The following PDE1C variants were observed in gnomAD, a reference collection of about 807,000 sequenced individuals.
PDE1C encodes the protein phosphodiesterase 1C, also known as dual specificity calcium/calmodulin-dependent 3',5'-cyclic nucleotide phosphodiesterase 1C.
Under a neutral mutation model 93.1 loss-of-function variants are expected in PDE1C, and 62 were observed. That is an observed-to-expected ratio of 0.67 (90% CI 0.54 to 0.82). The LOEUF (loss-of-function observed/expected upper bound fraction) is 0.82, where lower values mean the gene tolerates loss of function less well. Among genes scored for constraint, PDE1C ranks in the 40% least tolerant of loss-of-function variants. The pLI is 0.00. For synonymous variants in PDE1C, 325 were observed against 310.1 expected, an observed-to-expected ratio of 1.05 and a Z score of -0.50; for missense variants, 742 against 884.6, an observed-to-expected ratio of 0.84 and a Z score of 2.04.
At chr7:32,054,967 C>A (rs752394570) in intron 1 of PDE1C, among the ~76,000 whole-genome samples, 1 of 152,236 alleles carries the variant, frequency 6.6e-6, no homozygotes, top group Middle Eastern at 3.4e-3. Context: ...CCTTCTAGGG[C>A]CCCCCAAACT....
At chr7:32,167,754 T>C (rs1802394253) in intron 3 of PDE1C, among the ~76,000 whole-genome samples, 1 of 152,140 alleles carries the variant, frequency 6.6e-6, no homozygotes, top group South Asian at 2.1e-4. Context: ...AAACTCCAAA[T>C]GCCCTCCAAG....
rs540831334 is a variant in PDE1C at position 32,016,330 on chromosome 7, T to C, written c.128+35224A>G. 9.8e-5 allele frequency among the ~76,000 whole-genome samples: 15 copies of C among 152,320 alleles called. No homozygotes were observed. In the South Asian group the frequency reaches 3.1e-3, roughly 32 times the overall value. The stretch of plus-strand genomic sequence containing the variant: ...TTTTTCCTTGGCAAAGCCAAGAACC[T>C]TCCCAGCTAAGCCCCAGTGGGAGCT... On this transcript the variant is annotated intron_variant, in intron 2 of 17. Transcript: ENST00000396191.
At chr7:32,384,856 T>A (rs1004898160) in intron 1 of PDE1C, among the ~76,000 whole-genome samples, 3 of 152,206 alleles carry the variant, frequency 2.0e-5, no homozygotes, top group African/African-American at 7.2e-5. Flanking sequence ...AAAATGGGAT[T>A]CTGCATTTTT....
At chr7:31,893,058 A>C (rs1000098502) in intron 2 of PDE1C, among the ~76,000 whole-genome samples, 1 of 152,198 alleles carries the variant, frequency 6.6e-6, no homozygotes, top group African/African-American at 2.4e-5. Flanking sequence ...TTATAATAAA[A>C]GTAAATTTTA....
At chr7:32,110,629 A>G (rs879689844) in intron 3 of PDE1C, among the ~76,000 whole-genome samples, 2 of 152,210 alleles carry the variant, frequency 1.3e-5, no homozygotes, top group Admixed American at 6.5e-5. Context: ...ATTAAGCCAC[A>G]GAGATGGGTG....
intron 1 of PDE1C, among the ~76,000 whole-genome samples, chr7:32,377,062 T>C (rs1364625127): frequency 6.6e-6 from 1 of 152,096 alleles, no homozygotes; most frequent in Non-Finnish European, 1.5e-5. Flanking sequence ...CAGGTAGGAA[T>C]CACTGTGTTC....
At chr7:31,713,392 C>T in the PDE1C span, among the ~76,000 whole-genome samples, 1 of 152,230 alleles carries the variant, frequency 6.6e-6, no homozygotes, top group South Asian at 2.1e-4. Flanking sequence ...GGCAGCTCTG[C>T]CCTGTGGCTT....
At chr7:32,183,714 G>C (rs1180308349) in intron 2 of PDE1C, among the ~76,000 whole-genome samples, 1 of 152,142 alleles carries the variant, frequency 6.6e-6, no homozygotes, top group Non-Finnish European at 1.5e-5. Flanking sequence ...GAAAACCTAG[G>C]CAATACCATT....
chr7:31,645,659 C>T, the PDE1C span, among the ~76,000 whole-genome samples: 1 of 152,056 alleles, frequency 6.6e-6, no homozygotes, highest in African/African-American at 2.4e-5. Context: ...ATTTTAAATG[C>T]CCTAAGTAAA....
chr7:31,918,386 C>T (rs938931391), intron 2 of PDE1C, among the ~76,000 whole-genome samples: 1 of 152,186 alleles, frequency 6.6e-6, no homozygotes, highest in Non-Finnish European at 1.5e-5. Context: ...ATATGTCACG[C>T]ATGTACCCTC....
intron 17 of PDE1C, among the ~76,000 whole-genome samples, chr7:31,763,345 A>C (rs953813824): frequency 9.2e-5 from 14 of 152,106 alleles, no homozygotes; most frequent in African/African-American, 3.4e-4. Context: ...GTGTTGTCTA[A>C]GGTGATAATC....
intron 1 of PDE1C, among the ~76,000 whole-genome samples, chr7:32,256,526 C>T (rs1363574012): frequency 6.6e-6 from 1 of 152,168 alleles, no homozygotes; most frequent in Non-Finnish European, 1.5e-5. Context: ...GTTTTTCCGC[C>T]AGAAGCAGCA....
At chr7:31,990,551 T>G (rs1784031534) in intron 2 of PDE1C, among the ~76,000 whole-genome samples, 2 of 152,064 alleles carry the variant, frequency 1.3e-5, no homozygotes, top group African/African-American at 4.8e-5. Flanking sequence ...TAACCCACAC[T>G]CTCAATTCTA....
chr7:31,758,655 G>A (rs778739957), intron 17 of PDE1C, among the ~76,000 whole-genome samples: 1 of 152,168 alleles, frequency 6.6e-6, no homozygotes, highest in Non-Finnish European at 1.5e-5. Flanking sequence ...TGGCTCTGTT[G>A]TTACATAGTA....
the PDE1C span, among the ~76,000 whole-genome samples, chr7:31,629,203 C>T: frequency 1.3e-5 from 2 of 152,140 alleles, no homozygotes; most frequent in Non-Finnish European, 2.9e-5. Flanking sequence ...TATTCAAAAT[C>T]GGATCTGCCC....
chr7:31,800,551 T>G (rs1399555168), intron 16 of PDE1C, among the ~76,000 whole-genome samples: 1 of 151,558 alleles, frequency 6.6e-6, no homozygotes, highest in Non-Finnish European at 1.5e-5. Flanking sequence ...CATACACATG[T>G]AGATCTATTT....
intron 2 of PDE1C, among the ~76,000 whole-genome samples, chr7:32,208,265 T>G (rs997374481): frequency 6.6e-6 from 1 of 152,142 alleles, no homozygotes; most frequent in Non-Finnish European, 1.5e-5. Flanking sequence ...ATAGAGAAAT[T>G]ATACTTTCAG....
At chr7:32,102,173 C>T (rs1798073387) in intron 3 of PDE1C, among the ~76,000 whole-genome samples, 1 of 152,154 alleles carries the variant, frequency 6.6e-6, no homozygotes, top group South Asian at 2.1e-4. Context: ...TATCAGTATT[C>T]TTGAAGATCT....
At chr7:32,329,699 T>A (rs1373134914) in intron 1 of PDE1C, among the ~76,000 whole-genome samples, 1 of 152,168 alleles carries the variant, frequency 6.6e-6, no homozygotes, top group Non-Finnish European at 1.5e-5. Flanking sequence ...CCAGGAAAAA[T>A]GAGCATATCC....
Sources: allele counts gnomAD v4.1 joint callset (sites outside exome capture counted in the v4.1 genomes callset), GRCh38; gene constraint gnomAD v4.1.1; transcripts MANE v1.5; gene names NCBI Gene and HGNC (gene_info 2026-07-23, HGNC 2026-07-21).